Variants in GRID2 observed in about 807,000 individuals in gnomAD.
The protein encoded by GRID2 is glutamate receptor ionotropic, delta-2.
In GRID2, 33 loss-of-function variants were observed where a neutral mutation model predicts 114.8. The observed-to-expected ratio is 0.29, with a 90% CI of 0.22 to 0.38. The LOEUF (loss-of-function observed/expected upper bound fraction) is 0.38. GRID2 is among the 10% of genes least tolerant of loss of function. The pLI is 1.00. For synonymous variants in GRID2, 505 were observed against 449.9 expected, an observed-to-expected ratio of 1.12 and a Z score of -1.55; for missense variants, 1,184 against 1,257.7, an observed-to-expected ratio of 0.94 and a Z score of 0.89.
At chr4:92,930,566 T>G (rs973931992) in intron 2 of GRID2, among the ~76,000 whole-genome samples, 7 of 149,552 alleles carry the variant, frequency 4.7e-5, no homozygotes, top group Non-Finnish European at 1.5e-5. Flanking sequence ...TTTATCTTGT[T>G]ACACTTTCGG....
chr4:92,848,717 A>G (rs886848011), intron 2 of GRID2, among the ~76,000 whole-genome samples: 4 of 151,948 alleles, frequency 2.6e-5, no homozygotes, highest in African/African-American at 9.7e-5. Flanking sequence ...TCACACCAGA[A>G]TGACTCTATT....
chr4:93,662,453 T>G (rs2870729), intron 14 of GRID2, among the ~76,000 whole-genome samples: 86,226 of 152,056 alleles, frequency 0.57, 25,979 homozygotes, highest in African/African-American at 0.78. Flanking sequence ...TAAAAGTTTT[T>G]GAAATTTTCA....
chr4:93,277,611 C>T (rs967007667), intron 8 of GRID2, among the ~76,000 whole-genome samples: 2 of 151,794 alleles, frequency 1.3e-5, no homozygotes, highest in Non-Finnish European at 2.9e-5. Context: ...TAATTATTTA[C>T]TATTGCTTTC....
chr4:92,380,428 T>C (rs539390512), intron 1 of GRID2, among the ~76,000 whole-genome samples: 1 of 152,102 alleles, frequency 6.6e-6, no homozygotes, highest in South Asian at 2.1e-4. Context: ...CACAGATCTT[T>C]TGTGAAGATT....
rs1165267622 is a variant in GRID2, at chr4:92,316,413, C to T, written c.88+11669C>T. Among the ~76,000 whole-genome samples the T allele has an allele frequency of 2.6e-5, 4 of 152,164 alleles. No individual in the cohort carries two copies. The South Asian group carries it at 8.3e-4, about 32-fold the overall frequency. On this transcript the variant is annotated intron_variant, in intron 1 of 15. Coordinates refer to ENST00000282020, the MANE Select transcript of GRID2 (RefSeq NM_001510.4). ...TGGTGTAGTCATGGTGAGTTTTGGA[C>T]ATTTTCTATAATCCATTAATTTCAA...
chr4:93,069,533 A>G (rs1728626218), intron 2 of GRID2, among the ~76,000 whole-genome samples: 2 of 152,010 alleles, frequency 1.3e-5, no homozygotes, highest in Admixed American at 6.6e-5. Flanking sequence ...AGTAAAGTAA[A>G]AATGTCTGAT....
At chr4:93,264,986 T>G (rs1750658935) in intron 8 of GRID2, among the ~76,000 whole-genome samples, 1 of 151,634 alleles carries the variant, frequency 6.6e-6, no homozygotes, top group Non-Finnish European at 1.5e-5. Flanking sequence ...TTTCACCATT[T>G]TGGCCAGGAT....
intron 1 of GRID2, among the ~76,000 whole-genome samples, chr4:93,779,980 G>A (rs1331402470): frequency 6.6e-6 from 1 of 152,216 alleles, no homozygotes; most frequent in Non-Finnish European, 1.5e-5. Flanking sequence ...CTGTGTGCAA[G>A]ACACTATTCT....
At chr4:93,030,213 G>C (rs1724271002) in intron 2 of GRID2, among the ~76,000 whole-genome samples, 1 of 151,906 alleles carries the variant, frequency 6.6e-6, no homozygotes, top group South Asian at 2.1e-4. Context: ...AATTTTTTTG[G>C]AATACAGAAA....
At chr4:93,521,931 A>G (rs1384334345) in intron 13 of GRID2, among the ~76,000 whole-genome samples, 1 of 152,068 alleles carries the variant, frequency 6.6e-6, no homozygotes, top group Non-Finnish European at 1.5e-5. Context: ...TAATGAGAGG[A>G]GTTTCTGGAG....
chr4:93,277,713 A>C (rs2149579884), intron 8 of GRID2, among the ~76,000 whole-genome samples: 1 of 152,020 alleles, frequency 6.6e-6, no homozygotes, highest in East Asian at 1.9e-4. Context: ...ACTCTTATTT[A>C]AAACCACCAC....
At position 93,788,042 on chromosome 4, in the gene GRID2, C is replaced by T. The variant is rs563001016; in HGVS notation, c.221+18592C>T. On this transcript the variant is annotated intron_variant, in intron 1 of 1. Transcript: ENST00000637838. ...TGACAATGTAACGCCTAAGGCTGGG[C>T]GCGGTGGCTCACGTCTGTAATCCCA... 6.6e-5 allele frequency among the ~76,000 whole-genome samples: 10 copies of T among 152,176 alleles called. No individual in the cohort carries two copies. The South Asian group carries it at 1.7e-3, about 25-fold the overall frequency.
At chr4:92,381,033 A>G (rs1316409205) in intron 1 of GRID2, among the ~76,000 whole-genome samples, 1 of 152,008 alleles carries the variant, frequency 6.6e-6, no homozygotes, top group Non-Finnish European at 1.5e-5. Flanking sequence ...TCCAATATTA[A>G]CCTGTTAGTG....
At chr4:93,343,542 CCTT>C (rs1214213893) in intron 8 of GRID2, among the ~76,000 whole-genome samples, 3 of 151,904 alleles carry the variant, frequency 2.0e-5, no homozygotes, top group African/African-American at 7.3e-5. Context: ...TCTTTAGAGT[CCTT>C]CATTTTGAAA....
At chr4:93,525,904 A>G (rs993370058) in intron 13 of GRID2, among the ~76,000 whole-genome samples, 1 of 152,186 alleles carries the variant, frequency 6.6e-6, no homozygotes, top group African/African-American at 2.4e-5. Context: ...TGGTTGCATT[A>G]TATTCTCAAA....
intron 2 of GRID2, among the ~76,000 whole-genome samples, chr4:92,988,817 G>A (rs1223736171): frequency 6.6e-6 from 1 of 152,094 alleles, no homozygotes. Flanking sequence ...GAAAACATGT[G>A]GTGTGTTATT....
At chr4:93,144,403 G>A (rs942573875) in intron 4 of GRID2, among the ~76,000 whole-genome samples, 2 of 152,202 alleles carry the variant, frequency 1.3e-5, no homozygotes, top group Non-Finnish European at 2.9e-5. Flanking sequence ...AAAAGCATCA[G>A]AGCTAGTTTT....
chr4:93,322,497 C>CA (rs776216490), intron 8 of GRID2, among the ~76,000 whole-genome samples: 22 of 152,230 alleles, frequency 1.4e-4, no homozygotes, highest in Middle Eastern at 3.4e-3. Flanking sequence ...AACAGTGCCG[C>CA]AATAGACATA....
chr4:92,830,401 C>T (rs928777351), intron 2 of GRID2, among the ~76,000 whole-genome samples: 1 of 151,820 alleles, frequency 6.6e-6, no homozygotes, highest in African/African-American at 2.4e-5. Context: ...GTGCATAAAC[C>T]ATACCAACAT....
Sources: gnomAD v4.1 joint callset for allele counts (sites outside exome capture counted in the v4.1 genomes callset) on GRCh38, gnomAD v4.1.1 for gene constraint, MANE v1.5 for transcripts, NCBI Gene and HGNC (gene_info 2026-07-23, HGNC 2026-07-21) for gene names.